Variants in C12orf60 observed in about 807,000 individuals in gnomAD.
C12orf60 encodes the protein uncharacterized protein C12orf60.
For missense variants in C12orf60, 284 were observed against 283.2 expected (o/e 1.00, Z -0.02); for synonymous variants, 102 against 94.6 (o/e 1.08, Z -0.45).
At chr12:14,805,963 G>A in intron 1 of C12orf60, 1 of 1,540,920 alleles carries the variant, frequency 6.5e-7, no homozygotes, top group Non-Finnish European at 8.8e-7. Flanking sequence ...TTACTGAAAA[G>A]GAAGCAGAAA....
At chr12:14,806,476 T>C in intron 1 of C12orf60, 1 of 1,614,164 alleles carries the variant, frequency 6.2e-7, no homozygotes, top group Non-Finnish European at 8.5e-7. Context: ...GCTTGGATGA[T>C]GAGGTCACAG....
At chr12:14,810,769 C>T (rs538031759) in intron 1 of C12orf60, among the ~76,000 whole-genome samples, 1 of 152,244 alleles carries the variant, frequency 6.6e-6, no homozygotes, top group Non-Finnish European at 1.5e-5. Flanking sequence ...AGAGGCTGGG[C>T]ACCACATGGA....
intron 1 of C12orf60, chr12:14,806,005 A>G (rs370727838): frequency 6.9e-6 from 11 of 1,597,988 alleles, no homozygotes; most frequent in Admixed American, 1.7e-5. Context: ...ACGGCTGTTC[A>G]TTTCATTTGG....
rs768521827 is a variant in C12orf60 at position 14,806,198 on chromosome 12, A to C, written c.-25+2447A>C. On this transcript the variant is annotated intron_variant, in intron 1 of 1. Coordinates refer to ENST00000330828, the MANE Select transcript of C12orf60 (RefSeq NM_175874.4). ...GGCCAAGAACAGCAACTCCAATACT[A>C]CCAAGGAGAGAAGCACCAATTTGAG... 5 of 1,614,150 alleles carry C rather than the reference A, an allele frequency of 3.1e-6. No homozygotes were observed. The South Asian group carries it at 5.5e-5, about 18-fold the overall frequency.
rs1168970689 is a variant in C12orf60 at position 14,823,280 on chromosome 12, CA to C, written c.349del (p.Ser117ValfsTer11). The C allele has an allele frequency of 6.2e-7, 1 of 1,613,918 alleles. No individual in the cohort carries two copies. Among genetic ancestry groups the C allele is most frequent in the African/African-American group, 1.3e-5 (1 of 74,890 alleles). On this transcript the variant is annotated frameshift_variant, in exon 2 of 2. Coordinates refer to ENST00000330828, the MANE Select transcript of C12orf60 (RefSeq NM_175874.4). LOFTEE classifies it low-confidence loss of function (END_TRUNC). ...TGCATCAGTCAGCTAAAGAAGTATT[CA>C]AAAGTGCCCATACGCCAGTCATCAT... ...ELHQSAKEVF[K>X]SAHTPVIISV...
chr12:14,804,964 A>C (rs1187737375), intron 1 of C12orf60: 1 of 152,208 alleles, frequency 6.6e-6, no homozygotes, highest in African/African-American at 2.4e-5. Context: ...TCCTCATGGG[A>C]ATTATTGGTT....
intron 1 of C12orf60, chr12:14,806,724 T>C: frequency 6.5e-7 from 1 of 1,531,172 alleles, no homozygotes; most frequent in Non-Finnish European, 8.8e-7. Flanking sequence ...AAATTTTTAC[T>C]GAAAGTCTTA....
intron 1 of C12orf60, among the ~76,000 whole-genome samples, chr12:14,812,218 G>C (rs1272112118): frequency 6.6e-6 from 1 of 152,224 alleles, no homozygotes; most frequent in African/African-American, 2.4e-5. Context: ...GCCGAGGCGG[G>C]CGGATCACGA....
At chr12:14,813,943 A>G (rs1950179429) in intron 1 of C12orf60, among the ~76,000 whole-genome samples, 2 of 152,158 alleles carry the variant, frequency 1.3e-5, no homozygotes, top group South Asian at 4.1e-4. Context: ...CAGAGAAGGC[A>G]CCAGGAAAGG....
intron 1 of C12orf60, chr12:14,814,257 G>A (rs1950184904): frequency 1.3e-5 from 2 of 152,100 alleles, no homozygotes; most frequent in South Asian, 2.1e-4. Flanking sequence ...TCTCTGCTGG[G>A]TCCCTCTGCC....
At chr12:14,810,529 A>G (rs566509086) in intron 1 of C12orf60, among the ~76,000 whole-genome samples, 2 of 152,354 alleles carry the variant, frequency 1.3e-5, no homozygotes, top group Admixed American at 1.3e-4. Context: ...TTTCTAATCT[A>G]GTTAGGAAGT....
Position 14,823,348 on chromosome 12 carries a change from C to A in C12orf60, c.413C>A (p.Ser138Tyr). The A allele has an allele frequency of 6.2e-7, 1 of 1,614,134 alleles. No individual in the cohort carries two copies. The highest frequency in any genetic ancestry group is 8.5e-7 in the Non-Finnish European group (1 of 1,180,016). ...AGTAACATCCTTGGGAGTCTGGAAT[C>A]TTCTCTTTCACACTTGATGAAATTC... The part of the protein sequence containing the change: ...NSSNILGSLE[S>Y]SLSHLMKFPI... Residue 138 changes from serine (S) to tyrosine (Y), a missense_variant, in exon 2 of 2, where the codon TCT becomes TAT. Coordinates refer to ENST00000330828, the MANE Select transcript of C12orf60 (RefSeq NM_175874.4).
chr12:14,804,746 G>T (rs1353082117), intron 1 of C12orf60: 1 of 152,190 alleles, frequency 6.6e-6, no homozygotes, highest in African/African-American at 2.4e-5. Flanking sequence ...GAAAAACAAT[G>T]CAAGAAGAGA....
intron 1 of C12orf60, among the ~76,000 whole-genome samples, chr12:14,815,289 C>T (rs554890635): frequency 2.6e-5 from 4 of 152,216 alleles, no homozygotes; most frequent in East Asian, 1.9e-4. Flanking sequence ...GGCCCCACCA[C>T]GTACGGATGT....
intron 1 of C12orf60, chr12:14,806,536 A>G (rs11609202): frequency 0.029 from 47,334 of 1,614,048 alleles, 922 homozygotes; most frequent in Middle Eastern, 0.076. Context: ...GCCAGCCTGC[A>G]CCCCAAGTGC....
At chr12:14,809,362 T>G (rs1950102234) in intron 1 of C12orf60, among the ~76,000 whole-genome samples, 1 of 151,938 alleles carries the variant, frequency 6.6e-6, no homozygotes, top group Admixed American at 6.6e-5. Flanking sequence ...GTGAGCCTTA[T>G]TTTTTTTCAG....
chr12:14,822,187 C>T (rs1456027322), intron 1 of C12orf60, among the ~76,000 whole-genome samples: 1 of 147,114 alleles, frequency 6.8e-6, no homozygotes, highest in Non-Finnish European at 1.5e-5. Context: ...CCGGCAGAGC[C>T]CCTGCACCTG....
At chr12:14,817,914 C>G (rs1950247527) in intron 1 of C12orf60, among the ~76,000 whole-genome samples, 1 of 152,148 alleles carries the variant, frequency 6.6e-6, no homozygotes, top group Non-Finnish European at 1.5e-5. Flanking sequence ...ATACTATCTT[C>G]CACAATGATT....
chr12:14,805,990 A>C lies in C12orf60; in HGVS notation c.-25+2239A>C, dbSNP rs376267349. ...AAGCAGAAAAACACTTCAGTGGCAAATAAAACGGCTGTTCATTTCATTTGG... is the reference window on the plus strand; with the variant it reads ...AAGCAGAAAAACACTTCAGTGGCAACTAAAACGGCTGTTCATTTCATTTGG... On this transcript the variant is annotated intron_variant, in intron 1 of 1. Transcript: ENST00000330828. 26 of 1,583,922 alleles carry C rather than the reference A, an allele frequency of 1.6e-5. No individual in the cohort carries two copies. In the Admixed American group the frequency reaches 2.2e-4, roughly 13 times the overall value.
Sources: gnomAD v4.1 joint callset for allele counts (sites outside exome capture counted in the v4.1 genomes callset) on GRCh38, gnomAD v4.1.1 for gene constraint, MANE v1.5 for transcripts, NCBI Gene and HGNC (gene_info 2026-07-23, HGNC 2026-07-21) for gene names.